The following C19orf25 variants were observed in gnomAD, a reference collection of about 807,000 sequenced individuals.
The protein encoded by C19orf25 is chromosome 19 open reading frame 25, also known as UPF0449 protein C19orf25.
A neutral mutation model predicts 3.1 loss-of-function variants in C19orf25; 1 was observed. The observed-to-expected ratio is 0.32, with a 90% confidence interval of 0.12 to 1.54. The LOEUF (loss-of-function observed/expected upper bound fraction) is 1.54, where lower values mean the gene tolerates loss of function less well. Among genes scored for constraint, C19orf25 ranks in the 40% most tolerant of loss-of-function variants. The probability of loss-of-function intolerance (pLI) is 0.38; values close to 1 mark genes in which losing one functional copy is unlikely to be tolerated. For synonymous variants in C19orf25, 91 were observed against 74.3 expected, an observed-to-expected ratio of 1.23 and a Z score of -1.16; for missense variants, 196 against 160.4, an observed-to-expected ratio of 1.22 and a Z score of -1.20.
Position 1,479,041 on chromosome 19 carries a change from T to TGAGCTCGCCCCAGGCCCTGACCCTCC in C19orf25, c.-3+96_-3+121dup. 3.5e-6 allele frequency: 3 copies of TGAGCTCGCCCCAGGCCCTGACCCTCC among 850,162 alleles called. No individual in the cohort carries two copies. The South Asian group carries it at 5.8e-5, about 16-fold the overall frequency. The allele number at this position is 850,162 out of a possible 1,614,324, so 52.7% of individuals were successfully genotyped here. A position where few individuals can be genotyped will look rare whatever the true frequency, so the allele number is the denominator to read the frequency against. On this transcript the variant is annotated intron_variant, in intron 1 of 2. Coordinates refer to ENST00000585675, the MANE Select transcript of C19orf25 (RefSeq NM_152482.3). ...GGAAGCCCGCCCTGTCCCGCCCCTCTGAGCTCGCCCCAGGCCCTGACCCTC... is the reference window on the plus strand; with the variant it reads ...GGAAGCCCGCCCTGTCCCGCCCCTCTGAGCTCGCCCCAGGCCCTGACCCTCCGAGCTCGCCCCAGGCCCTGACCCTC...
At chr19:1,478,931 C>G in intron 1 of C19orf25, 26 bp from the exon 2 acceptor site, 1 of 1,568,748 alleles carries the variant, frequency 6.4e-7, no homozygotes, top group Non-Finnish European at 8.6e-7. Flanking sequence ...GGGGCGCTGA[C>G]CGGGGCGTCC....
Position 1,475,030 on chromosome 19 carries a change from G to C in C19orf25, c.*2C>G, listed in dbSNP as rs748788700. On this transcript the variant is annotated 3_prime_UTR_variant, in exon 3 of 3. Transcript: ENST00000585675. ...CTGCCCAAGCCTGCAGGCCCCGAGAGGTCAGCCTGAGGAGGCAGCCTCGGC... is the reference window on the plus strand; with the variant it reads ...CTGCCCAAGCCTGCAGGCCCCGAGACGTCAGCCTGAGGAGGCAGCCTCGGC... 6.3e-7 allele frequency: 1 copy of C among 1,583,102 alleles called. No homozygotes were observed. Among genetic ancestry groups the C allele is most frequent in the Admixed American group, 1.8e-5 (1 of 56,574 alleles).
At chr19:1,477,818 T>C (rs1459066121) in intron 2 of C19orf25, among the ~76,000 whole-genome samples, 1 of 152,184 alleles carries the variant, frequency 6.6e-6, no homozygotes, top group Non-Finnish European at 1.5e-5. Flanking sequence ...ACCTCTGTTT[T>C]ACTTTATTTA....
In C19orf25 at chr19:1,479,165, G is replaced by A. The variant is rs376164261; in HGVS notation, c.-5C>T. 6.2e-5 allele frequency: 80 copies of A among 1,280,510 alleles called. No homozygotes were observed. In the African/African-American group the frequency reaches 1.1e-3, roughly 17 times the overall value. The allele number at this position is 1,280,510 out of a possible 1,614,324, so 79.3% of individuals were successfully genotyped here. On this transcript the variant is annotated splice_region_variant and 5_prime_UTR_variant, in exon 1 of 3. Coordinates refer to ENST00000585675, the MANE Select transcript of C19orf25 (RefSeq NM_152482.3). ...CCCAGTCGCCGGCCTCTTCCCACCT[G>A]GGCGCGGGACCCGAAAGCCCAGCGT...
Position 1,474,997 on chromosome 19 carries a change from C to A in C19orf25, c.*35G>T. ...CAGGGAAAGCCTGGGTGCAGGCCAC[C>A]TTGTGCGCTGCCCAAGCCTGCAGGC... On this transcript the variant is annotated 3_prime_UTR_variant, in exon 3 of 3. Transcript: ENST00000585675. 6.5e-7 allele frequency: 1 copy of A among 1,550,256 alleles called. No individual in the cohort carries two copies.
chr19:1,476,301 T>C, intron 2 of C19orf25: 1 of 398,686 alleles, frequency 2.5e-6, no homozygotes, highest in Non-Finnish European at 4.4e-6. Flanking sequence ...TCACCTGCTT[T>C]AGCAACAGGG....
chr19:1,476,590 T>G, intron 2 of C19orf25: 1 of 324,628 alleles, frequency 3.1e-6, no homozygotes, highest in Non-Finnish European at 5.6e-6. Flanking sequence ...CCACCAGCCA[T>G]GTGTGGCTCC....
At position 1,473,733 on chromosome 19, in the gene C19orf25, T is replaced by A. The variant is rs2084174428; in HGVS notation, c.*1299A>T. 1 of 152,522 alleles carries A rather than the reference T, an allele frequency of 6.6e-6. No homozygotes were observed. Among genetic ancestry groups the A allele is most frequent in the Admixed American group, 6.5e-5 (1 of 15,292 alleles). 9.4% of individuals were successfully genotyped at this position (152,522 alleles called of 1,614,324 possible). On this transcript the variant is annotated 3_prime_UTR_variant, in exon 3 of 3. Coordinates refer to ENST00000585675, the MANE Select transcript of C19orf25 (RefSeq NM_152482.3). ...GCCCAGCTGGGGGGACAAGGAAAGC[T>A]ATGACTGCAAGCAGCACAGAAGTGC... is the stretch of plus-strand genomic sequence containing the variant.
At position 1,479,167 on chromosome 19, in the gene C19orf25, G is replaced by C. The variant is rs951051848; in HGVS notation, c.-7C>G. 16 of 1,279,938 alleles carry C rather than the reference G, an allele frequency of 1.3e-5. No homozygotes were observed. The highest frequency in any genetic ancestry group is 1.4e-5 in the Non-Finnish European group (14 of 1,014,664). The allele number at this position is 1,279,938 out of a possible 1,614,324, so 79.3% of individuals were successfully genotyped here. On this transcript the variant is annotated 5_prime_UTR_variant, in exon 1 of 3. Transcript: ENST00000585675. Reference sequence around the variant, plus strand: ...CAGTCGCCGGCCTCTTCCCACCTGGGCGCGGGACCCGAAAGCCCAGCGTCG... The same window carrying C: ...CAGTCGCCGGCCTCTTCCCACCTGGCCGCGGGACCCGAAAGCCCAGCGTCG...
chr19:1,476,344 A>G (rs1458693703), intron 2 of C19orf25: 3 of 398,754 alleles, frequency 7.5e-6, no homozygotes, highest in Non-Finnish European at 1.3e-5. Context: ...GGATGAAGGC[A>G]CAGGAGGCCC....
Position 1,474,691 on chromosome 19 carries a change from G to A in C19orf25, c.*341C>T, listed in dbSNP as rs1167364645. The A allele has an allele frequency of 1.0e-6, 1 of 955,730 alleles. No homozygotes were observed. Among genetic ancestry groups the A allele is most frequent in the Non-Finnish European group, 1.5e-6 (1 of 672,740 alleles). The allele number at this position is 955,730 out of a possible 1,614,324, so 59.2% of individuals were successfully genotyped here. A position where few individuals can be genotyped will look rare whatever the true frequency, so the allele number is the denominator to read the frequency against. ...GTGGACAGGCGAGTGCCTGCCCCGG[G>A]AGAGGAAGGAGGTGGCACCTGCTCC... On this transcript the variant is annotated 3_prime_UTR_variant, in exon 3 of 3. Coordinates refer to ENST00000585675, the MANE Select transcript of C19orf25 (RefSeq NM_152482.3).
rs574096946 is a variant in C19orf25, at chr19:1,474,909, G to C, written c.*123C>G. ...CCGCAGCCCCAGCATCAGGAGGGGC[G>C]CCTGTGTCAACACCCACGTGGGCTG... On this transcript the variant is annotated 3_prime_UTR_variant, in exon 3 of 3. Coordinates refer to ENST00000585675, the MANE Select transcript of C19orf25 (RefSeq NM_152482.3). The C allele has an allele frequency of 1.3e-6, 2 of 1,521,700 alleles. No homozygotes were observed. Among genetic ancestry groups the C allele is most frequent in the South Asian group, 2.4e-5 (2 of 83,514 alleles). 94.3% of individuals were successfully genotyped at this position (1,521,700 alleles called of 1,614,324 possible). A position where few individuals can be genotyped will look rare whatever the true frequency, so the allele number is the denominator to read the frequency against.
intron 2 of C19orf25, 87 bp from the exon 3 acceptor site, chr19:1,475,345 C>A (rs1292622910): frequency 3.0e-6 from 4 of 1,322,656 alleles, no homozygotes; most frequent in Admixed American, 2.6e-5. Context: ...GGGCAGGGTT[C>A]CCTGCAGTCC....
At chr19:1,476,801 G>A (rs564292799) in intron 2 of C19orf25, among the ~76,000 whole-genome samples, 2 of 152,108 alleles carry the variant, frequency 1.3e-5, no homozygotes, top group East Asian at 1.9e-4. Flanking sequence ...ATTTTTGGTA[G>A]ATATAGGTTT....
rs1347576291 is a variant in C19orf25 at position 1,478,974 on chromosome 19, G to A, written c.-2-69C>T. On this transcript the variant is annotated intron_variant, in intron 1 of 2. Coordinates refer to ENST00000585675, the MANE Select transcript of C19orf25 (RefSeq NM_152482.3). ...CGCCCTTGCCCGGGCTGCTCCTCCC[G>A]CCCAGCGAACTCGTACGCACCCGTC... 1.2e-5 allele frequency: 18 copies of A among 1,464,216 alleles called. 1 individual carries two copies. In the Admixed American group the frequency reaches 4.3e-4, roughly 35 times the overall value. The allele number at this position is 1,464,216 out of a possible 1,614,324, so 90.7% of individuals were successfully genotyped here.
chr19:1,475,263 G>A lies in C19orf25; in HGVS notation c.131-5C>T, dbSNP rs749308860. 7 of 1,544,236 alleles carry A rather than the reference G, an allele frequency of 4.5e-6. No individual in the cohort carries two copies. Among genetic ancestry groups the A allele is most frequent in the Non-Finnish European group, 6.1e-6 (7 of 1,141,920 alleles). ...TCCTGAAGGGAACTGGGGGGTCTGA[G>A]ACAGGACACAGCAGCATCACTGCCT... On this transcript the variant is annotated splice_polypyrimidine_tract_variant and splice_region_variant and intron_variant, in intron 2 of 2. Coordinates refer to ENST00000585675, the MANE Select transcript of C19orf25 (RefSeq NM_152482.3).
At chr19:1,476,543 G>A (rs1025294335) in intron 2 of C19orf25, 2 of 370,906 alleles carry the variant, frequency 5.4e-6, no homozygotes, top group Non-Finnish European at 9.6e-6. Flanking sequence ...CCTTCCAGAT[G>A]ATGCGCACAC....
rs771584344 is a variant in C19orf25 at position 1,475,088 on chromosome 19, C to T, written c.301G>A (p.Val101Met). 6.2e-7 allele frequency: 1 copy of T among 1,606,654 alleles called. No individual in the cohort carries two copies. Among genetic ancestry groups the T allele is most frequent in the South Asian group, 1.1e-5 (1 of 89,898 alleles). Residue 101 changes from valine (V) to methionine (M), a missense_variant, in exon 3 of 3, where the codon GTG becomes ATG. Physicochemically the swap from Val to Met is conservative, Grantham distance 21 (BLOSUM62 1). Transcript: ENST00000585675. Reference sequence around the variant, plus strand: ...AATGCTGCCTGCTTCATCTGGGCCACCTCCCGCTCCAGGTCCTCGCCGGCT... The same window carrying T: ...AATGCTGCCTGCTTCATCTGGGCCATCTCCCGCTCCAGGTCCTCGCCGGCT... The part of the protein sequence containing the change: ...QRAGEDLERE[V>M]AQMKQAALPA...
At chr19:1,478,749 T>C (rs2084232525) in intron 2 of C19orf25, 25 bp downstream of exon 2, 3 of 1,548,966 alleles carry the variant, frequency 1.9e-6, no homozygotes, top group African/African-American at 1.4e-5. Flanking sequence ...AGGTCCGCTT[T>C]TCCCCGGGAC....
Sources: gnomAD v4.1 joint callset for allele counts (sites outside exome capture counted in the v4.1 genomes callset) on GRCh38, gnomAD v4.1.1 for gene constraint, MANE v1.5 for transcripts, NCBI Gene and HGNC (gene_info 2026-07-23, HGNC 2026-07-21) for gene names.